The following BMERB1 variants were observed in gnomAD, a reference collection of about 807,000 sequenced individuals.
BMERB1 encodes bMERB domain containing 1, also known as bMERB domain-containing protein 1.
BMERB1 carries 12 observed loss-of-function variants against 23.6 expected under a neutral mutation model. The observed-to-expected ratio is 0.51, with a 90% CI of 0.33 to 0.82. The LOEUF (loss-of-function observed/expected upper bound fraction) is 0.82. Ranked by LOEUF, BMERB1 falls within the 40% of genes least tolerant of loss-of-function variation. The pLI, the probability that BMERB1 is intolerant of heterozygous loss-of-function variation, is 0.03. For missense variants in BMERB1, 247 were observed against 255.4 expected (o/e 0.97, Z 0.22); for synonymous variants, 122 against 96.6 (o/e 1.26, Z -1.54).
intron 1 of BMERB1, among the ~76,000 whole-genome samples, chr16:15,510,692 C>CACTCAGTATT (rs1373128852): frequency 6.6e-6 from 1 of 151,876 alleles, no homozygotes; most frequent in Non-Finnish European, 1.5e-5. Flanking sequence ...CACACAGTAG[C>CACTCAGTATT]ACTCAGTATT....
chr16:15,455,308 A>G (rs1214348069), intron 1 of BMERB1, among the ~76,000 whole-genome samples: 1 of 142,696 alleles, frequency 7.0e-6, no homozygotes, highest in Non-Finnish European at 1.5e-5. Flanking sequence ...TGGGCAACAA[A>G]TGGAGACTCT....
intron 2 of BMERB1, among the ~76,000 whole-genome samples, chr16:15,561,454 A>G (rs1185980278): frequency 6.6e-6 from 1 of 151,446 alleles, no homozygotes; most frequent in African/African-American, 2.4e-5. Context: ...TTTTTAGTAG[A>G]GAAAGGGTCT....
chr16:15,574,824 T>A (rs1029494546), intron 3 of BMERB1, among the ~76,000 whole-genome samples: 3 of 152,126 alleles, frequency 2.0e-5, no homozygotes, highest in Admixed American at 6.5e-5. Context: ...ACGCGTATAA[T>A]CCCAGCACCC....
intron 2 of BMERB1, among the ~76,000 whole-genome samples, chr16:15,556,742 C>T (rs1598517941): frequency 1.3e-5 from 2 of 152,198 alleles, no homozygotes. Context: ...CGTGCCACCA[C>T]GCCCAGCTAA....
chr16:15,504,015 CAT>C (rs1491347380), intron 1 of BMERB1, among the ~76,000 whole-genome samples: 120 of 152,302 alleles, frequency 7.9e-4, no homozygotes, highest in Non-Finnish European at 5.4e-4. Context: ...TAAGAGCAAA[CAT>C]ATGTTACAGA....
At chr16:15,465,725 C>G (rs1279587180) in intron 1 of BMERB1, among the ~76,000 whole-genome samples, 1 of 152,180 alleles carries the variant, frequency 6.6e-6, no homozygotes, top group Non-Finnish European at 1.5e-5. Context: ...GACTCCTACT[C>G]AGTCCTTTTT....
intron 2 of BMERB1, among the ~76,000 whole-genome samples, chr16:15,517,256 C>G (rs895635554): frequency 6.6e-6 from 1 of 152,140 alleles, no homozygotes; most frequent in African/African-American, 2.4e-5. Context: ...CATCTATAAT[C>G]CTAGCACTTT....
At chr16:15,517,810 G>A (rs1475397333) in intron 2 of BMERB1, among the ~76,000 whole-genome samples, 6 of 149,412 alleles carry the variant, frequency 4.0e-5, no homozygotes, top group African/African-American at 7.4e-5. Context: ...GGGGGTGTTC[G>A]TATGTGGGTG....
chr16:15,476,160 C>CTTTT (rs55893889), intron 1 of BMERB1, among the ~76,000 whole-genome samples: 1 of 86,584 alleles, frequency 1.2e-5, no homozygotes, highest in African/African-American at 3.6e-5. Context: ...ATGTCATTCA[C>CTTTT]TTTTTTTTTT....
chr16:15,577,726 G>T (rs1354736757), intron 3 of BMERB1, among the ~76,000 whole-genome samples: 1 of 152,246 alleles, frequency 6.6e-6, no homozygotes, highest in Non-Finnish European at 1.5e-5. Context: ...TTGTGCGCAT[G>T]CGCAGTGGCC....
intron 1 of BMERB1, chr16:15,447,951 G>A (rs748839317): frequency 1.5e-5 from 7 of 454,950 alleles, no homozygotes; most frequent in East Asian, 7.0e-5. Context: ...GTGCAGTGGC[G>A]TGATCACGGC....
At chr16:15,451,117 T>C (rs1326972557) in intron 1 of BMERB1, among the ~76,000 whole-genome samples, 1 of 152,000 alleles carries the variant, frequency 6.6e-6, no homozygotes, top group Non-Finnish European at 1.5e-5. Flanking sequence ...AAATAGGAAA[T>C]AGAAAGCTGC....
rs184431754 is a variant in BMERB1 at position 15,526,126 on chromosome 16, G to A, written c.230+10698G>A. On this transcript the variant is annotated intron_variant, in intron 2 of 5. Coordinates refer to ENST00000300006, the MANE Select transcript of BMERB1 (RefSeq NM_033201.3). ...ATAATGGCTAGTGGCTACCCTATTGGAAAGCATACATTTGTATAGGACATT... is the reference window on the plus strand; with the variant it reads ...ATAATGGCTAGTGGCTACCCTATTGAAAAGCATACATTTGTATAGGACATT... Among the ~76,000 whole-genome samples, 9 of 152,228 alleles carry A rather than the reference G, an allele frequency of 5.9e-5. No homozygotes were observed. In the South Asian group the frequency reaches 8.3e-4, roughly 14 times the overall value.
At chr16:15,491,599 A>C (rs536387172) in intron 1 of BMERB1, among the ~76,000 whole-genome samples, 1 of 152,086 alleles carries the variant, frequency 6.6e-6, no homozygotes, top group Non-Finnish European at 1.5e-5. Context: ...CTGTCTCTCC[A>C]TCTTGGAACA....
At chr16:15,562,045 C>A (rs1187641781) in intron 2 of BMERB1, among the ~76,000 whole-genome samples, 1 of 151,926 alleles carries the variant, frequency 6.6e-6, no homozygotes, top group Non-Finnish European at 1.5e-5. Context: ...CGGTGGCTCA[C>A]GCCTATCATC....
chr16:15,525,226 G>T (rs1296633609), intron 2 of BMERB1, among the ~76,000 whole-genome samples: 2 of 152,170 alleles, frequency 1.3e-5, no homozygotes, highest in Non-Finnish European at 2.9e-5. Flanking sequence ...GATTGCTTGG[G>T]CTGGGACATG....
intron 1 of BMERB1, among the ~76,000 whole-genome samples, chr16:15,447,707 G>A (rs1294527654): frequency 6.6e-6 from 1 of 152,132 alleles, no homozygotes; most frequent in Non-Finnish European, 1.5e-5. Context: ...GAACCTCAAG[G>A]AAGAATGGAG....
At chr16:15,555,757 A>G (rs1598517184) in intron 2 of BMERB1, among the ~76,000 whole-genome samples, 1 of 152,226 alleles carries the variant, frequency 6.6e-6, no homozygotes, top group South Asian at 2.1e-4. Flanking sequence ...TGCTGAGGCC[A>G]GGGGCTCCCT....
chr16:15,509,775 C>T (rs1458952614), intron 1 of BMERB1, among the ~76,000 whole-genome samples: 3 of 152,178 alleles, frequency 2.0e-5, no homozygotes, highest in African/African-American at 4.8e-5. Flanking sequence ...AGGCTGTGGC[C>T]ATTCATTCTT....
Sources: allele counts gnomAD v4.1 joint callset (sites outside exome capture counted in the v4.1 genomes callset), GRCh38; gene constraint gnomAD v4.1.1; transcripts MANE v1.5; gene names NCBI Gene and HGNC (gene_info 2026-07-23, HGNC 2026-07-21).